The following PEX5L variants were observed in gnomAD, a reference collection of about 807,000 sequenced individuals.
PEX5L encodes PEX5-related protein.
A neutral mutation model predicts 84.0 loss-of-function variants in PEX5L; 30 were observed. That is an observed-to-expected ratio of 0.36 (90% CI 0.27 to 0.48). The LOEUF (loss-of-function observed/expected upper bound fraction) is 0.48, where lower values mean the gene tolerates loss of function less well. PEX5L is among the 20% of genes least tolerant of loss of function. PEX5L has a pLI of 0.99. For synonymous variants in PEX5L, 270 were observed against 283.1 expected (o/e 0.95, Z 0.46); for missense variants, 533 against 754.6 (o/e 0.71, Z 3.44).
intron 8 of PEX5L, among the ~76,000 whole-genome samples, chr3:179,843,449 C>G (rs145592927): frequency 6.6e-6 from 1 of 152,102 alleles, no homozygotes; most frequent in South Asian, 2.1e-4. Context: ...GAAACTGAGG[C>G]CTGCAGAGAG....
intron 1 of PEX5L, among the ~76,000 whole-genome samples, chr3:180,004,641 T>C (rs1018794859): frequency 6.6e-6 from 1 of 152,132 alleles, no homozygotes; most frequent in Admixed American, 6.6e-5. Flanking sequence ...GCTATATAAA[T>C]CAGAGCTACC....
chr3:180,004,862 T>A (rs1788733592), intron 1 of PEX5L, among the ~76,000 whole-genome samples: 1 of 151,970 alleles, frequency 6.6e-6, no homozygotes, highest in Admixed American at 6.6e-5. Context: ...AGAATTTGAA[T>A]AAAAGAAATG....
intron 2 of PEX5L, 58 bp downstream of exon 2, chr3:179,971,536 C>G: frequency 6.5e-7 from 1 of 1,538,374 alleles, no homozygotes; most frequent in Non-Finnish European, 8.7e-7. Context: ...ACTCAAAAGG[C>G]TTTAGTCATC....
intron 2 of PEX5L, among the ~76,000 whole-genome samples, chr3:179,927,959 G>A: frequency 6.6e-6 from 1 of 152,076 alleles, no homozygotes; most frequent in East Asian, 1.9e-4. Context: ...TATTAATGAA[G>A]TATATATTTC....
At chr3:179,836,542 C>T (rs1325216852) in intron 8 of PEX5L, among the ~76,000 whole-genome samples, 2 of 152,084 alleles carry the variant, frequency 1.3e-5, no homozygotes, top group African/African-American at 2.4e-5. Context: ...AGACAGATCC[C>T]CAAACAGGCC....
chr3:179,932,102 A>G (rs1452819096), intron 2 of PEX5L, among the ~76,000 whole-genome samples: 1 of 152,178 alleles, frequency 6.6e-6, no homozygotes, highest in East Asian at 1.9e-4. Flanking sequence ...TATCATATAT[A>G]TACATTATAA....
chr3:179,920,532 T>A (rs770717039), intron 2 of PEX5L, among the ~76,000 whole-genome samples: 7 of 152,184 alleles, frequency 4.6e-5, no homozygotes, highest in Non-Finnish European at 8.8e-5. Flanking sequence ...TATAACAGGT[T>A]AACAGGTGAA....
chr3:179,805,254 C>T lies in PEX5L; in HGVS notation c.1676+2420G>A, dbSNP rs192889238. On this transcript the variant is annotated intron_variant, in intron 14 of 14. Transcript: ENST00000467460. ...AAAGACCCACAAAACTTAGTCGATA[C>T]GTTCCAAAGTAGCCAACTGAGTAGT... Among the ~76,000 whole-genome samples, 158 of 147,912 alleles carry T rather than the reference C, an allele frequency of 1.1e-3. 2 individuals are homozygous for T. Among genetic ancestry groups the T allele is most frequent in the African/African-American group, 1.4e-3 (57 of 40,066 alleles).
chr3:179,920,208 ATGTC>A (rs746331487), intron 2 of PEX5L, among the ~76,000 whole-genome samples: 102 of 152,260 alleles, frequency 6.7e-4, no homozygotes, highest in Admixed American at 2.0e-3. Flanking sequence ...AACCTCCATT[ATGTC>A]TGTCTGTCAT....
At chr3:180,000,392 T>C (rs1390003385) in intron 1 of PEX5L, among the ~76,000 whole-genome samples, 2 of 152,186 alleles carry the variant, frequency 1.3e-5, no homozygotes. Flanking sequence ...AGTATTATCA[T>C]GCCCTGTGAT....
intron 1 of PEX5L, among the ~76,000 whole-genome samples, chr3:179,990,434 T>C (rs1160470628): frequency 6.6e-6 from 1 of 152,124 alleles, no homozygotes; most frequent in East Asian, 1.9e-4. Flanking sequence ...GGTCTTGCTC[T>C]GTTGCCCAGG....
chr3:179,828,535 G>A (rs1731395151), intron 8 of PEX5L, among the ~76,000 whole-genome samples: 1 of 152,056 alleles, frequency 6.6e-6, no homozygotes, highest in Non-Finnish European at 1.5e-5. Context: ...GCAATTTCTG[G>A]ACATAAGGAA....
At chr3:179,895,983 G>A (rs1245875511) in intron 3 of PEX5L, 1 of 152,030 alleles carries the variant, frequency 6.6e-6, no homozygotes, top group African/African-American at 2.4e-5. Context: ...GGCTTTACAG[G>A]AGACACTGGG....
intron 8 of PEX5L, among the ~76,000 whole-genome samples, chr3:179,845,373 G>C (rs1738928331): frequency 6.6e-6 from 1 of 152,058 alleles, no homozygotes; most frequent in Admixed American, 6.6e-5. Flanking sequence ...CTCATGTATG[G>C]TATGAATACT....
chr3:179,927,694 G>A (rs1053318680), intron 2 of PEX5L, among the ~76,000 whole-genome samples: 13 of 151,914 alleles, frequency 8.6e-5, no homozygotes, highest in African/African-American at 3.1e-4. Context: ...CAATCTGCAA[G>A]GAATTGGACA....
intron 1 of PEX5L, chr3:179,973,607 T>C (rs1034957976): frequency 3.0e-6 from 3 of 985,114 alleles, no homozygotes; most frequent in Non-Finnish European, 2.4e-6. Flanking sequence ...ATTTCCCCTT[T>C]TTAATCTCCT....
chr3:179,863,172 T>C (rs1332854286), intron 7 of PEX5L, among the ~76,000 whole-genome samples: 2 of 152,212 alleles, frequency 1.3e-5, no homozygotes, highest in Non-Finnish European at 2.9e-5. Context: ...TCTCACATTA[T>C]ATACAAAAAC....
intron 2 of PEX5L, among the ~76,000 whole-genome samples, chr3:179,913,873 G>A (rs1766057259): frequency 6.6e-6 from 1 of 152,002 alleles, no homozygotes; most frequent in South Asian, 2.1e-4. Context: ...TAGAGTCTGT[G>A]AATGTTAATT....
intron 8 of PEX5L, among the ~76,000 whole-genome samples, chr3:179,829,083 AATTAT>A (rs1436895277): frequency 2.6e-5 from 4 of 152,256 alleles, no homozygotes; most frequent in Non-Finnish European, 5.9e-5. Flanking sequence ...AACTGCATAT[AATTAT>A]GTATACAGAG....
Sources: allele counts gnomAD v4.1 joint callset (sites outside exome capture counted in the v4.1 genomes callset), GRCh38; gene constraint gnomAD v4.1.1; transcripts MANE v1.5; gene names NCBI Gene and HGNC (gene_info 2026-07-23, HGNC 2026-07-21).